Variants in XRRA1 observed in about 807,000 individuals in gnomAD.
The protein encoded by XRRA1 is X-ray radiation resistance-associated protein 1.
In XRRA1, 69 loss-of-function variants were observed where a neutral mutation model predicts 80.2. The observed-to-expected ratio is 0.86, with a 90% CI of 0.71 to 1.05. XRRA1 has a LOEUF of 1.05. Among genes scored for constraint, XRRA1 ranks in the 50% least tolerant of loss-of-function variants. The pLI is 0.00. For synonymous variants in XRRA1, 348 were observed against 389.9 expected (o/e 0.89, Z 1.27); for missense variants, 967 against 976.4 (o/e 0.99, Z 0.13).
chr11:74,843,699 C>G lies in XRRA1; in HGVS notation c.2149+155G>C, dbSNP rs2037082556. Reference sequence around the variant, plus strand: ...TGTGATTTTAGGCAACTCCCTGCCTCACGCTGGCTCTCCTTTTGTCCATCT... The same window carrying G: ...TGTGATTTTAGGCAACTCCCTGCCTGACGCTGGCTCTCCTTTTGTCCATCT... On this transcript the variant is annotated intron_variant, in intron 18 of 18. Transcript: ENST00000684022. 4.9e-6 allele frequency: 4 copies of G among 820,082 alleles called. No homozygotes were observed. In the African/African-American group the frequency reaches 6.9e-5, roughly 14 times the overall value. 50.8% of individuals were successfully genotyped at this position (820,082 alleles called of 1,614,324 possible).
chr11:74,877,346 C>T (rs546242326), intron 10 of XRRA1, among the ~76,000 whole-genome samples: 10 of 152,062 alleles, frequency 6.6e-5, no homozygotes, highest in Admixed American at 2.6e-4. Context: ...TAAAGTACAG[C>T]GACATCTGGT....
intron 7 of XRRA1, among the ~76,000 whole-genome samples, chr11:74,924,196 C>T (rs1941635412): frequency 6.6e-6 from 1 of 150,620 alleles, no homozygotes; most frequent in African/African-American, 2.4e-5. Context: ...TAAGAGTGGG[C>T]CGGGCGCGGT....
chr11:74,862,028 G>C (rs971097079), intron 11 of XRRA1, among the ~76,000 whole-genome samples: 4 of 152,174 alleles, frequency 2.6e-5, no homozygotes, highest in African/African-American at 9.7e-5. Context: ...GACTTGCTTT[G>C]ACCAATAGAA....
At chr11:74,943,569 C>CAGAGAGAG (rs141326220) in intron 2 of XRRA1, among the ~76,000 whole-genome samples, 3 of 86,654 alleles carry the variant, frequency 3.5e-5, no homozygotes, top group South Asian at 6.2e-4. Context: ...GTGTATGTGT[C>CAGAGAGAG]AGAGAGAGAG....
At chr11:74,846,598 T>G (rs923182520) in intron 15 of XRRA1, among the ~76,000 whole-genome samples, 1 of 152,184 alleles carries the variant, frequency 6.6e-6, no homozygotes, top group Non-Finnish European at 1.5e-5. Flanking sequence ...CAAGTGAGAT[T>G]TATCCTAGGA....
intron 8 of XRRA1, among the ~76,000 whole-genome samples, chr11:74,916,745 T>C (rs1011346182): frequency 2.0e-5 from 3 of 152,174 alleles, no homozygotes; most frequent in South Asian, 2.1e-4. Context: ...GAAAGCTGAA[T>C]ATTTGAATCT....
intron 8 of XRRA1, among the ~76,000 whole-genome samples, chr11:74,915,755 G>A (rs1382663190): frequency 1.2e-4 from 19 of 152,136 alleles, no homozygotes; most frequent in Non-Finnish European, 2.9e-5. Context: ...CCTTTAATGA[G>A]AGCTTTATTC....
chr11:74,872,295 G>A (rs1014686750), intron 10 of XRRA1, among the ~76,000 whole-genome samples: 3 of 152,128 alleles, frequency 2.0e-5, no homozygotes, highest in African/African-American at 7.2e-5. Context: ...TCAGTCAAGG[G>A]ACAGCTAACC....
At chr11:74,867,621 G>C (rs866769145) in intron 10 of XRRA1, among the ~76,000 whole-genome samples, 2 of 152,284 alleles carry the variant, frequency 1.3e-5, no homozygotes, top group African/African-American at 4.8e-5. Flanking sequence ...GAAATGCAAG[G>C]AGAGAAAGCA....
intron 5 of XRRA1, among the ~76,000 whole-genome samples, chr11:74,932,154 A>G (rs896476181): frequency 3.3e-5 from 5 of 152,188 alleles, no homozygotes; most frequent in Admixed American, 2.6e-4. Flanking sequence ...TTACTTGCTA[A>G]TATCTTCTCC....
At chr11:74,911,451 CATAT>C (rs2055877366) in intron 8 of XRRA1, 1 of 152,140 alleles carries the variant, frequency 6.6e-6, no homozygotes, top group African/African-American at 2.4e-5. Context: ...TTCTCCCCCT[CATAT>C]ATAAGAACAT....
chr11:74,916,876 G>A (rs1474354519), intron 8 of XRRA1, among the ~76,000 whole-genome samples: 1 of 152,170 alleles, frequency 6.6e-6, no homozygotes, highest in African/African-American at 2.4e-5. Context: ...ATGTGTAAAT[G>A]TAAGTTCTTC....
intron 14 of XRRA1, among the ~76,000 whole-genome samples, chr11:74,849,272 A>G (rs538502): frequency 0.62 from 93,834 of 152,054 alleles, 30,358 homozygotes; most frequent in East Asian, 0.8. Context: ...AATGTGGGCT[A>G]GAATACAGGT....
At chr11:74,930,252 G>C in intron 6 of XRRA1, 48 bp downstream of exon 6, 2 of 1,425,968 alleles carry the variant, frequency 1.4e-6, no homozygotes, top group Non-Finnish European at 1.9e-6. Flanking sequence ...GTGAATGGCT[G>C]TGCTGGCTAA....
intron 8 of XRRA1, among the ~76,000 whole-genome samples, chr11:74,918,287 TCTTC>T (rs1939424248): frequency 3.6e-5 from 5 of 139,232 alleles, no homozygotes; most frequent in African/African-American, 1.4e-4. Flanking sequence ...GTGTGCATTT[TCTTC>T]CTTCCTTAGT....
chr11:74,847,965 T>G, intron 15 of XRRA1, 150 bp downstream of exon 15: 1 of 690,286 alleles, frequency 1.4e-6, no homozygotes, highest in Non-Finnish European at 2.4e-6. Context: ...CAGAAGAGGC[T>G]TGCAAGCTCC....
intron 4 of XRRA1, 43 bp downstream of exon 4, chr11:74,936,841 C>T: frequency 1.3e-6 from 2 of 1,579,486 alleles, no homozygotes; most frequent in Non-Finnish European, 1.7e-6. Context: ...TCCTCCCCAC[C>T]CTAGCTGATG....
chr11:74,871,123 A>G (rs2044682599), intron 10 of XRRA1, among the ~76,000 whole-genome samples: 1 of 152,226 alleles, frequency 6.6e-6, no homozygotes, highest in Non-Finnish European at 1.5e-5. Flanking sequence ...AGGTAGCCAC[A>G]TAGATCACAG....
intron 15 of XRRA1, among the ~76,000 whole-genome samples, chr11:74,846,601 T>C (rs1229761210): frequency 6.6e-6 from 1 of 152,154 alleles, no homozygotes; most frequent in East Asian, 1.9e-4. Context: ...GTGAGATTTA[T>C]CCTAGGAATG....
Sources: gnomAD v4.1 joint callset for allele counts (sites outside exome capture counted in the v4.1 genomes callset) on GRCh38, gnomAD v4.1.1 for gene constraint, MANE v1.5 for transcripts, NCBI Gene and HGNC (gene_info 2026-07-23, HGNC 2026-07-21) for gene names.